Variants in BTBD9 observed in about 807,000 individuals in gnomAD.
BTBD9 encodes the protein BTB/POZ domain-containing protein 9.
In BTBD9, 49 loss-of-function variants were observed where a neutral mutation model predicts 64.3. The observed-to-expected ratio is 0.76, with a 90% CI of 0.61 to 0.97. BTBD9 has a LOEUF of 0.97. Ranked by LOEUF, BTBD9 falls within the 50% of genes least tolerant of loss-of-function variation. The probability of loss-of-function intolerance (pLI) is 0.00; values close to 1 mark genes in which losing one functional copy is unlikely to be tolerated. For missense variants in BTBD9, 598 were observed against 762.1 expected (o/e 0.78, Z 2.53); for synonymous variants, 260 against 274.7 (o/e 0.95, Z 0.53).
At position 38,449,417 on chromosome 6, in the gene BTBD9, T is replaced by C. The variant is rs142278377; in HGVS notation, c.1155-104324A>G. ...AAACAGCACAGTACTGGCATAAAAA[T>C]AGACACATAGACTAGTGAACAGAAT... On this transcript the variant is annotated intron_variant, in intron 6 of 10. Coordinates refer to ENST00000481247, the MANE Select transcript of BTBD9 (RefSeq NM_001099272.2). Among the ~76,000 whole-genome samples the C allele has an allele frequency of 3.1e-3, 476 of 151,946 alleles. 2 individuals are homozygous for C. Among genetic ancestry groups the C allele is most frequent in the African/African-American group, 0.011 (454 of 41,434 alleles).
intron 1 of BTBD9, among the ~76,000 whole-genome samples, chr6:38,622,487 G>A (rs1778021030): frequency 6.6e-6 from 1 of 152,110 alleles, no homozygotes; most frequent in Non-Finnish European, 1.5e-5. Flanking sequence ...GGGCACTAGG[G>A]ATACAATATT....
chr6:38,268,873 C>T (rs1202116216), intron 8 of BTBD9, among the ~76,000 whole-genome samples: 12 of 152,188 alleles, frequency 7.9e-5, no homozygotes. Context: ...TACTACTGCC[C>T]CTCTCCCACT....
At chr6:38,587,273 C>G in intron 4 of BTBD9, 1 of 335,852 alleles carries the variant, frequency 3.0e-6, no homozygotes, top group Non-Finnish European at 5.9e-6. Context: ...GTGGCCTCCA[C>G]AAGCCCTCTT....
intron 1 of BTBD9, chr6:38,612,793 G>A (rs1777655209): frequency 1.3e-5 from 2 of 152,058 alleles, no homozygotes; most frequent in Admixed American, 1.3e-4. Flanking sequence ...AAGAGGCCAG[G>A]GGCACTCTCT....
intron 7 of BTBD9, among the ~76,000 whole-genome samples, chr6:38,309,224 G>C (rs929595799): frequency 6.6e-6 from 1 of 150,778 alleles, no homozygotes; most frequent in Non-Finnish European, 1.5e-5. Context: ...ACAAAAATTA[G>C]CTGGGCGTGG....
chr6:38,341,220 A>T (rs1764085535), intron 7 of BTBD9, among the ~76,000 whole-genome samples: 1 of 152,214 alleles, frequency 6.6e-6, no homozygotes, highest in South Asian at 2.1e-4. Flanking sequence ...CAGACTTTGA[A>T]ACAATTAGGG....
At chr6:38,423,900 C>A (rs755968053) in intron 6 of BTBD9, among the ~76,000 whole-genome samples, 2 of 151,174 alleles carry the variant, frequency 1.3e-5, no homozygotes, top group Non-Finnish European at 2.9e-5. Flanking sequence ...CACGACAGGG[C>A]CCGTGCCATG....
intron 6 of BTBD9, among the ~76,000 whole-genome samples, chr6:38,420,363 T>C (rs535861222): frequency 6.6e-6 from 1 of 152,078 alleles, no homozygotes; most frequent in Non-Finnish European, 1.5e-5. Context: ...AGCTGAGAAA[T>C]GTATTCAGCA....
chr6:38,280,928 G>T (rs949540434), intron 8 of BTBD9, among the ~76,000 whole-genome samples: 2 of 152,198 alleles, frequency 1.3e-5, no homozygotes, highest in Admixed American at 1.3e-4. Flanking sequence ...ACAGCACAGA[G>T]AAGCATACTA....
At chr6:38,493,033 A>C (rs1771774116) in intron 6 of BTBD9, among the ~76,000 whole-genome samples, 2 of 152,224 alleles carry the variant, frequency 1.3e-5, no homozygotes, top group African/African-American at 2.4e-5. Context: ...AAAAAAGAAA[A>C]AAATTTTTCA....
At chr6:38,578,862 A>G (rs1466776642) in intron 5 of BTBD9, among the ~76,000 whole-genome samples, 1 of 152,210 alleles carries the variant, frequency 6.6e-6, no homozygotes, top group Admixed American at 6.5e-5. Flanking sequence ...AACATCACAG[A>G]AACGATGACA....
intron 6 of BTBD9, among the ~76,000 whole-genome samples, chr6:38,388,595 G>C (rs994474896): frequency 2.6e-5 from 4 of 152,148 alleles, no homozygotes; most frequent in Admixed American, 6.5e-5. Context: ...AGTTCATATT[G>C]ACTGAAAGAA....
At chr6:38,525,548 G>A (rs979601058) in intron 6 of BTBD9, among the ~76,000 whole-genome samples, 4 of 152,242 alleles carry the variant, frequency 2.6e-5, no homozygotes, top group Non-Finnish European at 5.9e-5. Flanking sequence ...CTCAGAAGAA[G>A]ACAGGAAGAT....
At chr6:38,238,295 C>T (rs866208799) in intron 9 of BTBD9, among the ~76,000 whole-genome samples, 2 of 152,082 alleles carry the variant, frequency 1.3e-5, no homozygotes, top group Admixed American at 6.5e-5. Context: ...TTTAGGGAGA[C>T]GTGAGACGTC....
chr6:38,253,463 G>A (rs1006191960), intron 9 of BTBD9, among the ~76,000 whole-genome samples: 1 of 152,172 alleles, frequency 6.6e-6, no homozygotes, highest in Non-Finnish European at 1.5e-5. Context: ...CTCAACACAT[G>A]GGGATTACAG....
chr6:38,312,313 C>T (rs1359614520), intron 7 of BTBD9, among the ~76,000 whole-genome samples: 1 of 152,126 alleles, frequency 6.6e-6, no homozygotes, highest in Non-Finnish European at 1.5e-5. Context: ...TTATTAATCC[C>T]TTGTCAGGTA....
At chr6:38,501,191 G>C (rs776024612) in intron 6 of BTBD9, among the ~76,000 whole-genome samples, 1 of 152,062 alleles carries the variant, frequency 6.6e-6, no homozygotes, top group Non-Finnish European at 1.5e-5. Flanking sequence ...AACACCTGAC[G>C]CGAGTGTTAG....
At position 38,562,661 on chromosome 6, in the gene BTBD9, A is replaced by G. The variant is rs151181910; in HGVS notation, c.1154+14939T>C. On this transcript the variant is annotated intron_variant, in intron 6 of 10. Transcript: ENST00000481247. ...TATTGACAAAAGAAGTATCTCTAATATGTGTTGTTCATCTAACAATTTTTA... is the reference window on the plus strand; with the variant it reads ...TATTGACAAAAGAAGTATCTCTAATGTGTGTTGTTCATCTAACAATTTTTA... Among the ~76,000 whole-genome samples, 868 of 152,334 alleles carry G rather than the reference A, an allele frequency of 5.7e-3. 8 individuals are homozygous for G. The highest frequency in any genetic ancestry group is 0.019 in the African/African-American group (800 of 41,582).
intron 6 of BTBD9, among the ~76,000 whole-genome samples, chr6:38,346,336 C>T (rs1369978835): frequency 6.6e-6 from 1 of 152,076 alleles, no homozygotes; most frequent in East Asian, 1.9e-4. Context: ...ATTTTCCCTC[C>T]TGATTCTTCA....
Sources: gnomAD v4.1 joint callset for allele counts (sites outside exome capture counted in the v4.1 genomes callset) on GRCh38, gnomAD v4.1.1 for gene constraint, MANE v1.5 for transcripts, NCBI Gene and HGNC (gene_info 2026-07-23, HGNC 2026-07-21) for gene names.